Variants in PREX1 observed in about 807,000 individuals in gnomAD.
PREX1 encodes phosphatidylinositol-3,4,5-trisphosphate dependent Rac exchange factor 1.
PREX1 carries 41 observed loss-of-function variants against 198.3 expected under a neutral mutation model. The observed-to-expected ratio is 0.21, with a 90% CI of 0.16 to 0.27. The LOEUF is 0.27. Among genes scored for constraint, PREX1 ranks in the 10% least tolerant of loss-of-function variants. PREX1 has a pLI of 1.00. For missense variants in PREX1, 1,620 were observed against 2,200.7 expected, an observed-to-expected ratio of 0.74 and a Z score of 5.28; for synonymous variants, 843 against 887.2, an observed-to-expected ratio of 0.95 and a Z score of 0.89.
the PREX1 span, among the ~76,000 whole-genome samples, chr20:48,849,758 C>G: frequency 6.6e-6 from 1 of 152,182 alleles, no homozygotes; most frequent in East Asian, 1.9e-4. Flanking sequence ...GCCAAAGGGT[C>G]AGGATTTCTA....
intron 16 of PREX1, 42 bp downstream of exon 16, chr20:48,659,877 G>GGACA: frequency 1.2e-6 from 2 of 1,612,168 alleles, no homozygotes; most frequent in Non-Finnish European, 1.7e-6. Context: ...GCCTGCAGGG[G>GGACA]GCTCTGGCAA....
At chr20:48,833,891 G>A in the PREX1 span, among the ~76,000 whole-genome samples, 2 of 152,152 alleles carry the variant, frequency 1.3e-5, no homozygotes, top group Non-Finnish European at 2.9e-5. Context: ...AGACCATCCT[G>A]GCTAACACGG....
At position 48,827,924 on chromosome 20, in the gene PREX1, C is replaced by T; in HGVS notation, c.-64G>A. The T allele has an allele frequency of 1.5e-6, 1 of 684,996 alleles. No homozygotes were observed. Among genetic ancestry groups the T allele is most frequent in the Non-Finnish European group, 1.8e-6 (1 of 559,264 alleles). The allele number at this position is 684,996 out of a possible 1,614,324, so 42.4% of individuals were successfully genotyped here. A position where few individuals can be genotyped will look rare whatever the true frequency, so the allele number is the denominator to read the frequency against. The stretch of plus-strand genomic sequence containing the variant: ...CCGAGCGGCAACTCAGGCGTCCAGG[C>T]GCCCCATCCCGGACGGGGCGCGCCG... On this transcript the variant is annotated 5_prime_UTR_variant, in exon 1 of 40. Coordinates refer to ENST00000371941, the MANE Select transcript of PREX1 (RefSeq NM_020820.4). This position sits in a 1 kb window ranked among gnomAD's most constrained non-coding sequence, Gnocchi z 4.1.
In PREX1 at chr20:48,684,277, A is replaced by G. The variant is rs2089771714; in HGVS notation, c.1335-2942T>C. 6.6e-6 allele frequency among the ~76,000 whole-genome samples: 1 copy of G among 152,060 alleles called. No individual in the cohort carries two copies. Among genetic ancestry groups the G allele is most frequent in the Non-Finnish European group, 1.5e-5 (1 of 67,984 alleles). ...CCCAAGGTACCACTTATGACCCAAC[A>G]CAAGAATCCCTTGTTCTTGCCTGAT... On this transcript the variant is annotated intron_variant, in intron 10 of 39. Transcript: ENST00000371941. This position sits in a 1 kb window ranked among gnomAD's most constrained non-coding sequence, Gnocchi z 4.2.
chr20:48,727,560 C>G (rs1030822666), intron 4 of PREX1, among the ~76,000 whole-genome samples: 3 of 152,156 alleles, frequency 2.0e-5, no homozygotes, highest in Non-Finnish European at 4.4e-5. Context: ...ACCAACCACC[C>G]TATCAACTGA....
intron 33 of PREX1, among the ~76,000 whole-genome samples, chr20:48,633,669 C>T (rs894991951): frequency 1.3e-5 from 2 of 152,262 alleles, no homozygotes; most frequent in South Asian, 4.1e-4. Flanking sequence ...GTCCAGGGGC[C>T]ACGCTCTGAG....
chr20:48,698,651 G>A (rs568868236), intron 7 of PREX1, among the ~76,000 whole-genome samples: 35 of 152,314 alleles, frequency 2.3e-4, no homozygotes, highest in South Asian at 6.2e-4. Flanking sequence ...GGGAGATAGC[G>A]GAAGCAGGAG....
intron 1 of PREX1, among the ~76,000 whole-genome samples, chr20:48,817,070 C>A (rs994700056): frequency 4.6e-5 from 7 of 152,216 alleles, no homozygotes; most frequent in Non-Finnish European, 7.3e-5. Context: ...TGTGTAACAG[C>A]CTCACCCAGA....
chr20:48,745,448 G>A (rs1412018541), intron 2 of PREX1, among the ~76,000 whole-genome samples: 2 of 152,166 alleles, frequency 1.3e-5, no homozygotes, highest in Non-Finnish European at 2.9e-5. Context: ...ATTTACAGAT[G>A]AAGAACCAAG....
intron 3 of PREX1, among the ~76,000 whole-genome samples, chr20:48,737,707 C>T (rs1040552680): frequency 1.3e-5 from 2 of 152,176 alleles, no homozygotes; most frequent in African/African-American, 4.8e-5. Context: ...CGCAAGGACT[C>T]GAGCTGGAAT....
chr20:48,675,908 G>A (rs1376991402), intron 14 of PREX1, among the ~76,000 whole-genome samples: 1 of 152,088 alleles, frequency 6.6e-6, no homozygotes, highest in Non-Finnish European at 1.5e-5. Flanking sequence ...GTGGTGGCGT[G>A]CGCCTGTAAT....
At chr20:48,748,589 G>A (rs894803203) in intron 1 of PREX1, among the ~76,000 whole-genome samples, 1 of 152,160 alleles carries the variant, frequency 6.6e-6, no homozygotes, top group Non-Finnish European at 1.5e-5. Context: ...CATCTCACAA[G>A]AAGCTTCCTT....
chr20:48,827,263 T>A lies in PREX1; in HGVS notation c.219+379A>T, dbSNP rs6019443. On this transcript the variant is annotated intron_variant, in intron 1 of 39. Transcript: ENST00000371941. This position sits in a 1 kb window ranked among gnomAD's most constrained non-coding sequence, Gnocchi z 4.1. ...CTAGATGAGTGGTGCACCGGGCGCG[T>A]AGTTATTCCTGGGAAAAAGACGCAG... is the stretch of plus-strand genomic sequence containing the variant. Among the ~76,000 whole-genome samples the A allele has an allele frequency of 0.029, 4,362 of 152,312 alleles. 217 individuals are homozygous for A. The highest frequency in any genetic ancestry group is 0.1 in the African/African-American group (4,151 of 41,554).
chr20:48,681,683 G>GATGGATGGATGA (rs1170703530), intron 10 of PREX1, among the ~76,000 whole-genome samples: 2 of 150,460 alleles, frequency 1.3e-5, no homozygotes, highest in African/African-American at 5.0e-5. Flanking sequence ...TACATAGATG[G>GATGGATGGATGA]ATGGATGGAT....
At chr20:48,777,492 G>C (rs537709027) in intron 1 of PREX1, among the ~76,000 whole-genome samples, 13 of 152,146 alleles carry the variant, frequency 8.5e-5, no homozygotes, top group African/African-American at 2.9e-4. Flanking sequence ...GGAATCCAAG[G>C]CTCCCTAACA....
chr20:48,749,000 A>AC, intron 1 of PREX1, among the ~76,000 whole-genome samples: 1 of 152,190 alleles, frequency 6.6e-6, no homozygotes, highest in African/African-American at 2.4e-5. Context: ...ACAAGAGATG[A>AC]CGGTGGCCTG....
At chr20:48,626,275 G>C (rs1210900695) in intron 39 of PREX1, among the ~76,000 whole-genome samples, 2 of 152,196 alleles carry the variant, frequency 1.3e-5, no homozygotes, top group African/African-American at 4.8e-5. Context: ...GCTCTATCCT[G>C]GGAAACTCTA....
the PREX1 span, among the ~76,000 whole-genome samples, chr20:48,862,790 A>ATATATAT: frequency 0.031 from 3,187 of 102,476 alleles, 114 homozygotes; most frequent in African/African-American, 0.081. Context: ...TAAAAAAAAA[A>ATATATAT]ATATATATAT....
intron 5 of PREX1, among the ~76,000 whole-genome samples, chr20:48,714,239 TCAC>T (rs1025687579): frequency 1.3e-5 from 2 of 152,316 alleles, no homozygotes; most frequent in African/African-American, 4.8e-5. Context: ...AACGTGAATT[TCAC>T]CACAATTTAA....
Sources: allele counts gnomAD v4.1 joint callset (sites outside exome capture counted in the v4.1 genomes callset), GRCh38; gene constraint gnomAD v4.1.1; non-coding constraint Gnocchi (gnomAD v3.1); transcripts MANE v1.5; gene names NCBI Gene and HGNC (gene_info 2026-07-23, HGNC 2026-07-21).